Variants in MYO18B observed in about 807,000 individuals in gnomAD.
MYO18B encodes the protein unconventional myosin-XVIIIb.
Under a neutral mutation model 273.0 loss-of-function variants are expected in MYO18B, and 204 were observed. That is an observed-to-expected ratio of 0.75 (90% confidence interval 0.67 to 0.84). The LOEUF (loss-of-function observed/expected upper bound fraction) is 0.84. MYO18B is among the 40% of genes least tolerant of loss of function. MYO18B has a pLI of 0.00. For synonymous variants in MYO18B, 1,330 were observed against 1,305.7 expected, an observed-to-expected ratio of 1.02 and a Z score of -0.40; for missense variants, 3,212 against 3,287.6, an observed-to-expected ratio of 0.98 and a Z score of 0.56.
chr22:25,967,109 A>G (rs2092987954), intron 39 of MYO18B, among the ~76,000 whole-genome samples: 2 of 152,242 alleles, frequency 1.3e-5, no homozygotes, highest in Non-Finnish European at 2.9e-5. Flanking sequence ...CAAACAGAGG[A>G]GCAGATACTA....
chr22:26,035,000 T>A (rs373265448), downstream of MYO18B, among the ~76,000 whole-genome samples: 111 of 152,280 alleles, frequency 7.3e-4, 1 homozygote, highest in African/African-American at 2.5e-3. Flanking sequence ...GGACGGGTAA[T>A]ATACTTGGAA....
At chr22:25,876,556 CT>C (rs1436879335) in intron 24 of MYO18B, among the ~76,000 whole-genome samples, 1 of 152,186 alleles carries the variant, frequency 6.6e-6, no homozygotes, top group Non-Finnish European at 1.5e-5. Context: ...TTTAGAGATG[CT>C]ATTACCACCC....
At position 25,799,747 on chromosome 22, in the gene MYO18B, G is replaced by T. The variant is rs1349558330; in HGVS notation, c.2521+1650G>T. On this transcript the variant is annotated intron_variant, in intron 12 of 43. Coordinates refer to ENST00000335473, the MANE Select transcript of MYO18B (RefSeq NM_032608.7). Reference sequence around the variant, plus strand: ...GCCACATACATTAACCCATTGTTTTGATTTTGGAAATTTGTAGAAGTCATA... The same window carrying T: ...GCCACATACATTAACCCATTGTTTTTATTTTGGAAATTTGTAGAAGTCATA... 6.6e-5 allele frequency among the ~76,000 whole-genome samples: 10 copies of T among 152,262 alleles called. No homozygotes were observed. In the East Asian group the frequency reaches 1.2e-3, roughly 18 times the overall value.
rs1569225022 is a variant in MYO18B at position 25,948,440 on chromosome 22, TTCCTTCCTTCCTTCC to T, written c.5748+614_5748+628del. 2.5e-3 allele frequency among the ~76,000 whole-genome samples: 312 copies of T among 124,586 alleles called. 1 individual carries two copies. The highest frequency in any genetic ancestry group is 9.3e-3 in the African/African-American group (288 of 30,870). 81.7% of individuals were successfully genotyped at this position (124,586 alleles called of 152,430 possible). A position where few individuals can be genotyped will look rare whatever the true frequency, so the allele number is the denominator to read the frequency against. ...CTTCCTTCCTTCCTTCCTTCCTTCC[TTCCTTCCTTCCTTCC>T]TTCCTTCTTTCTTTCTTTCTTTCTT... On this transcript the variant is annotated intron_variant, in intron 36 of 43. Coordinates refer to ENST00000335473, the MANE Select transcript of MYO18B (RefSeq NM_032608.7).
At chr22:25,763,495 C>A in intron 3 of MYO18B, 106 bp downstream of exon 3, 2 of 1,359,150 alleles carry the variant, frequency 1.5e-6, no homozygotes, top group South Asian at 1.4e-5. Flanking sequence ...TCCTGCTGTC[C>A]TGGTTTTGAG....
intron 22 of MYO18B, among the ~76,000 whole-genome samples, chr22:25,871,831 T>G (rs895267530): frequency 6.6e-6 from 1 of 152,146 alleles, no homozygotes; most frequent in Non-Finnish European, 1.5e-5. Context: ...GAAATTGAGA[T>G]AAGATTCTGC....
rs771571924 is a variant in MYO18B at position 25,774,150 on chromosome 22, T to G, written c.1869+1640T>G. ...GTCCCTGAGGCAATGCTAAATCCAT[T>G]AAAGGGGATATAGTGGGCCTGTACC... On this transcript the variant is annotated intron_variant, in intron 7 of 43. Transcript: ENST00000335473. Among the ~76,000 whole-genome samples the G allele has an allele frequency of 2.4e-4, 36 of 152,166 alleles. 1 individual carries two copies. The highest frequency in any genetic ancestry group is 5.9e-5 in the Non-Finnish European group (4 of 68,024).
chr22:25,905,459 A>C (rs905097024), intron 31 of MYO18B, among the ~76,000 whole-genome samples: 1 of 152,184 alleles, frequency 6.6e-6, no homozygotes, highest in Non-Finnish European at 1.5e-5. Context: ...GCTTAGTGTT[A>C]GGGGAATGTT....
intron 11 of MYO18B, among the ~76,000 whole-genome samples, chr22:25,787,520 C>A (rs1026262055): frequency 2.0e-5 from 3 of 152,132 alleles, no homozygotes; most frequent in African/African-American, 7.2e-5. Context: ...GGGGGCTAAT[C>A]TACTTGTCAC....
At chr22:25,948,004 C>A (rs1451670046) in intron 36 of MYO18B, among the ~76,000 whole-genome samples, 176 bp downstream of exon 36, 1 of 152,160 alleles carries the variant, frequency 6.6e-6, no homozygotes, top group Non-Finnish European at 1.5e-5. Context: ...GACAATGTCA[C>A]CTTCAGATGG....
intron 21 of MYO18B, among the ~76,000 whole-genome samples, chr22:25,857,575 C>G (rs2090610681): frequency 6.6e-6 from 1 of 152,218 alleles, no homozygotes; most frequent in Admixed American, 6.5e-5. Flanking sequence ...TATTCATGGG[C>G]TCCCACCACC....
intron 40 of MYO18B, among the ~76,000 whole-genome samples, chr22:25,996,448 T>C (rs1351433210): frequency 6.6e-6 from 1 of 152,090 alleles, no homozygotes; most frequent in Non-Finnish European, 1.5e-5. Context: ...CAGGCAGAAA[T>C]GAATGTTTGG....
chr22:25,859,768 C>G (rs2090677025), intron 21 of MYO18B, among the ~76,000 whole-genome samples: 3 of 152,030 alleles, frequency 2.0e-5, no homozygotes, highest in Non-Finnish European at 4.4e-5. Context: ...AATTATTTAT[C>G]AGATGTATCT....
chr22:25,794,605 C>T (rs972162744), intron 11 of MYO18B, among the ~76,000 whole-genome samples: 25 of 152,066 alleles, frequency 1.6e-4, no homozygotes, highest in African/African-American at 4.8e-4. Flanking sequence ...CCCAGGTTCA[C>T]GCCATTCTCC....
At chr22:25,940,960 C>G (rs1014635156) in intron 34 of MYO18B, among the ~76,000 whole-genome samples, 1 of 152,148 alleles carries the variant, frequency 6.6e-6, no homozygotes, top group Admixed American at 6.5e-5. Context: ...TTGCAGAATT[C>G]GAGCAGATCT....
In MYO18B at chr22:25,936,625, G is replaced by A. The variant is rs200765376; in HGVS notation, c.5518-9512G>A. Among the ~76,000 whole-genome samples the A allele has an allele frequency of 2.8e-3, 433 of 152,228 alleles. 10 individuals are homozygous for A. The highest frequency in any genetic ancestry group is 0.022 in the Admixed American group (333 of 15,290). ...AAATTAACATGTCTTAATCAGCTCA[G>A]GCTGCCATAAAAAAATACCGTAAAT... On this transcript the variant is annotated intron_variant, in intron 34 of 43. Transcript: ENST00000335473.
intron 34 of MYO18B, among the ~76,000 whole-genome samples, chr22:25,925,150 C>T (rs1198465008): frequency 6.6e-6 from 1 of 152,074 alleles, no homozygotes; most frequent in African/African-American, 2.4e-5. Flanking sequence ...TCCTTAGTGT[C>T]TTGGGGTTTC....
intron 12 of MYO18B, among the ~76,000 whole-genome samples, chr22:25,803,967 AAC>A (rs151023852): frequency 0.014 from 1,934 of 136,842 alleles, 25 homozygotes; most frequent in African/African-American, 0.033. Flanking sequence ...TGACCCAGTG[AAC>A]ACACACACAC....
At chr22:25,884,105 T>C (rs920243777) in intron 25 of MYO18B, among the ~76,000 whole-genome samples, 1 of 152,182 alleles carries the variant, frequency 6.6e-6, no homozygotes, top group Non-Finnish European at 1.5e-5. Flanking sequence ...ATTTCTGGCC[T>C]CATTAGCCTG....
Sources: allele counts gnomAD v4.1 joint callset (sites outside exome capture counted in the v4.1 genomes callset), GRCh38; gene constraint gnomAD v4.1.1; transcripts MANE v1.5; gene names NCBI Gene and HGNC (gene_info 2026-07-23, HGNC 2026-07-21).